The following PCDHGB3 variants were observed in gnomAD, a reference collection of about 807,000 sequenced individuals.
PCDHGB3 encodes the protein protocadherin gamma-B3.
Under a neutral mutation model 59.2 loss-of-function variants are expected in PCDHGB3, and 40 were observed. The ratio of observed to expected loss-of-function variants is 0.68; its 90% CI spans 0.52 to 0.88. The LOEUF (loss-of-function observed/expected upper bound fraction) is 0.88. Ranked by LOEUF, PCDHGB3 falls within the 40% of genes least tolerant of loss-of-function variation. The pLI, the probability that PCDHGB3 is intolerant of heterozygous loss-of-function variation, is 0.00. For missense variants in PCDHGB3, 1,309 were observed against 1,187.9 expected (o/e 1.10, Z -1.50); for synonymous variants, 581 against 503.6 (o/e 1.15, Z -2.06).
chr5:141,392,881 T>C, intron 1 of PCDHGB3: 6 of 1,613,564 alleles, frequency 3.7e-6, no homozygotes, highest in Non-Finnish European at 5.1e-6. Context: ...CTGGGAACGC[T>C]GTGGGAAATC....
At chr5:141,374,469 A>G in intron 1 of PCDHGB3, 1 of 1,612,698 alleles carries the variant, frequency 6.2e-7, no homozygotes, top group Non-Finnish European at 8.5e-7. Flanking sequence ...ATTAATGACA[A>G]TACACCCCGA....
In PCDHGB3 at chr5:141,489,203, C is replaced by A; in HGVS notation, c.2416-5604C>A. On this transcript the variant is annotated intron_variant, in intron 1 of 3. Transcript: ENST00000576222. The surrounding 1 kb of genome is among the most constrained non-coding windows in gnomAD (Gnocchi z 4.5). ...CCCTGGGTCTACCTTGGAGACAGGA[C>A]AGCACAGACTTACTCTCCACAAAGG... is the stretch of plus-strand genomic sequence containing the variant. 7.1e-7 allele frequency: 1 copy of A among 1,414,834 alleles called. No individual in the cohort carries two copies. Among genetic ancestry groups the A allele is most frequent in the Non-Finnish European group, 9.6e-7 (1 of 1,040,052 alleles). The allele number at this position is 1,414,834 out of a possible 1,614,324, so 87.6% of individuals were successfully genotyped here.
rs1221134827 is a variant in PCDHGB3 at position 141,374,345 on chromosome 5, G to T, written c.2415+1536G>T. ...GCGAAACGGCAGCTTGGTCACCGCGGGTAGGATAGACCGCGAGGAGCTCTG... is the reference window on the plus strand; with the variant it reads ...GCGAAACGGCAGCTTGGTCACCGCGTGTAGGATAGACCGCGAGGAGCTCTG... On this transcript the variant is annotated intron_variant, in intron 1 of 3. Coordinates refer to ENST00000576222, the MANE Select transcript of PCDHGB3 (RefSeq NM_018924.5). The T allele has an allele frequency of 3.7e-6, 6 of 1,613,900 alleles. No homozygotes were observed. The African/African-American group carries it at 8.0e-5, about 22-fold the overall frequency.
intron 1 of PCDHGB3, among the ~76,000 whole-genome samples, chr5:141,471,046 CT>C (rs1170588345): frequency 0.24 from 27,253 of 113,216 alleles, 2,739 homozygotes; most frequent in African/African-American, 0.39. Context: ...CCCAAGCCCT[CT>C]TTTTTTTTTT....
chr5:141,415,055 C>A (rs767474996), intron 1 of PCDHGB3: 1 of 1,613,402 alleles, frequency 6.2e-7, no homozygotes, highest in Non-Finnish European at 8.5e-7. Context: ...GGGGAGCACA[C>A]GGGCGAGGTG....
At chr5:141,400,551 T>G in intron 1 of PCDHGB3, 1 of 1,613,726 alleles carries the variant, frequency 6.2e-7, no homozygotes, top group Non-Finnish European at 8.5e-7. Context: ...TCTATTCTTT[T>G]TCATTACCCA....
chr5:141,427,671 A>T (rs1441504057), intron 1 of PCDHGB3: 1 of 798,486 alleles, frequency 1.3e-6, no homozygotes, highest in East Asian at 2.6e-5. Flanking sequence ...GGCCGAAAAC[A>T]ACCTTCCCGG....
chr5:141,510,854 T>A, intron 3 of PCDHGB3, 93 bp from the exon 4 acceptor site: 1 of 1,602,320 alleles, frequency 6.2e-7, no homozygotes, highest in East Asian at 2.2e-5. Context: ...CCCAGGGTGC[T>A]GTATAGGCAT....
chr5:141,374,975 A>G (rs770625909), intron 1 of PCDHGB3: 2 of 1,613,964 alleles, frequency 1.2e-6, no homozygotes, highest in Non-Finnish European at 8.5e-7. Context: ...GAATGTTTTG[A>G]CTGGAGAAAT....
intron 1 of PCDHGB3, chr5:141,422,106 C>T: frequency 6.2e-7 from 1 of 1,607,266 alleles, no homozygotes; most frequent in Non-Finnish European, 8.5e-7. Flanking sequence ...CTGAAATATT[C>T]CAATTGGATT....
chr5:141,491,564 G>A lies in PCDHGB3; in HGVS notation c.2416-3243G>A, dbSNP rs2099721154. On this transcript the variant is annotated intron_variant, in intron 1 of 3. Coordinates refer to ENST00000576222, the MANE Select transcript of PCDHGB3 (RefSeq NM_018924.5). The surrounding 1 kb of genome is among the most constrained non-coding windows in gnomAD (Gnocchi z 6.9). Reference sequence around the variant, plus strand: ...ACAGACTCGCAGAGCCACTGCTACAGGACGTGCTTTTCACCGGCCTCGGAC... The same window carrying A: ...ACAGACTCGCAGAGCCACTGCTACAAGACGTGCTTTTCACCGGCCTCGGAC... The A allele has an allele frequency of 3.1e-6, 5 of 1,613,878 alleles. No individual in the cohort carries two copies. Among genetic ancestry groups the A allele is most frequent in the Non-Finnish European group, 8.5e-7 (1 of 1,180,042 alleles).
chr5:141,468,680 C>T (rs1176643092), intron 1 of PCDHGB3: 1 of 151,074 alleles, frequency 6.6e-6, no homozygotes, highest in Non-Finnish European at 1.5e-5. Flanking sequence ...TCCTGGCTAA[C>T]ACGGTGAAAC....
rs748605515 is a variant in PCDHGB3 at position 141,486,688 on chromosome 5, C to T, written c.2416-8119C>T. ...CCAGGAATCGAGATGTATCAGCTTC[C>T]TCTTTCATCTCTCTGAACCCCCAGA... On this transcript the variant is annotated intron_variant, in intron 1 of 3. Transcript: ENST00000576222. The surrounding 1 kb of genome is among the most constrained non-coding windows in gnomAD (Gnocchi z 5.0). 2 of 1,614,170 alleles carry T rather than the reference C, an allele frequency of 1.2e-6. No individual in the cohort carries two copies. The highest frequency in any genetic ancestry group is 1.1e-5 in the South Asian group (1 of 91,086).
chr5:141,428,305 G>T (rs751498223), intron 1 of PCDHGB3: 8 of 694,348 alleles, frequency 1.2e-5, no homozygotes. Flanking sequence ...GATTTACCTG[G>T]TCGTGGCCTT....
intron 1 of PCDHGB3, among the ~76,000 whole-genome samples, chr5:141,453,176 C>T (rs1225418058): frequency 6.6e-6 from 1 of 152,042 alleles, no homozygotes; most frequent in Non-Finnish European, 1.5e-5. Flanking sequence ...TCCAGTGGTA[C>T]AATCACAGCT....
chr5:141,419,644 CG>C (rs1418985518), intron 1 of PCDHGB3: 2 of 1,612,396 alleles, frequency 1.2e-6, no homozygotes, highest in Non-Finnish European at 1.7e-6. Flanking sequence ...TGGCCGTGGA[CG>C]CGGACTCGGG....
At chr5:141,436,239 G>T (rs1426798903) in intron 1 of PCDHGB3, among the ~76,000 whole-genome samples, 2 of 152,012 alleles carry the variant, frequency 1.3e-5, no homozygotes, top group South Asian at 2.1e-4. Flanking sequence ...AAGCTAACAT[G>T]GTCTAATTAT....
At chr5:141,374,195 G>A in intron 1 of PCDHGB3, 1 of 1,613,870 alleles carries the variant, frequency 6.2e-7, no homozygotes, top group Non-Finnish European at 8.5e-7. Context: ...TATTCCCGAG[G>A]AGCTGGAGAA....
rs570951423 is a variant in PCDHGB3, at chr5:141,370,515, C to T, written c.121C>T (p.Leu41=). 6.2e-7 allele frequency: 1 copy of T among 1,613,860 alleles called. No individual in the cohort carries two copies. Among genetic ancestry groups the T allele is most frequent in the South Asian group, 1.1e-5 (1 of 91,078 alleles). The change falls in exon 1 of 4, where the codon CTG becomes TTG. Residue 41 remains leucine (L), a synonymous_variant. Coordinates refer to ENST00000576222, the MANE Select transcript of PCDHGB3 (RefSeq NM_018924.5). The part of the protein sequence containing the change: ...EPIRYAIPEE[L]DRGSLVGNLA... Reference sequence around the variant, plus strand: ...GATCCGCTACGCTATTCCCGAGGAGCTGGACAGGGGCTCGCTGGTAGGGAA... The same window carrying T: ...GATCCGCTACGCTATTCCCGAGGAGTTGGACAGGGGCTCGCTGGTAGGGAA...
Sources: gnomAD v4.1 joint callset for allele counts (sites outside exome capture counted in the v4.1 genomes callset) on GRCh38, gnomAD v4.1.1 for gene constraint, Gnocchi (gnomAD v3.1) non-coding constraint, MANE v1.5 for transcripts, NCBI Gene and HGNC (gene_info 2026-07-23, HGNC 2026-07-21) for gene names.